Variants in MFSD8 observed in about 807,000 individuals in gnomAD.
MFSD8 encodes major facilitator superfamily domain-containing protein 8.
A neutral mutation model predicts 66.4 loss-of-function variants in MFSD8; 55 were observed. The observed-to-expected ratio is 0.83, with a 90% CI of 0.67 to 1.04. The LOEUF (loss-of-function observed/expected upper bound fraction) is 1.04, where lower values mean the gene tolerates loss of function less well. Ranked by LOEUF, MFSD8 falls within the 50% of genes least tolerant of loss-of-function variation. MFSD8 has a pLI of 0.00. For synonymous variants in MFSD8, 202 were observed against 212.8 expected (o/e 0.95, Z 0.44); for missense variants, 550 against 627.6 (o/e 0.88, Z 1.32).
intron 9 of MFSD8, among the ~76,000 whole-genome samples, chr4:127,923,982 A>T (rs1006073474): frequency 1.3e-5 from 2 of 152,130 alleles, no homozygotes; most frequent in African/African-American, 4.8e-5. Context: ...TGGTATCAGG[A>T]TGATTCTGGC....
chr4:127,939,284 C>G (rs922123126), intron 6 of MFSD8: 1 of 155,540 alleles, frequency 6.4e-6, no homozygotes. Context: ...TACTTCCATG[C>G]CTTTCCCCTA....
At chr4:127,925,543 C>T (rs1395516684) in intron 9 of MFSD8, among the ~76,000 whole-genome samples, 2 of 152,132 alleles carry the variant, frequency 1.3e-5, no homozygotes, top group Non-Finnish European at 1.5e-5. Context: ...AATGAGATAC[C>T]ATCTCACACC....
chr4:127,942,283 T>G, intron 4 of MFSD8, 125 bp from the exon 5 acceptor site: 1 of 723,750 alleles, frequency 1.4e-6, no homozygotes, highest in East Asian at 2.6e-5. Flanking sequence ...GCTTCCTCTT[T>G]ATGATCACAC....
intron 4 of MFSD8, among the ~76,000 whole-genome samples, chr4:127,942,619 G>A (rs1740379831): frequency 6.6e-6 from 1 of 150,744 alleles, no homozygotes; most frequent in Non-Finnish European, 1.5e-5. Flanking sequence ...TGCTGAGGTT[G>A]CAATGAGCCA....
At chr4:127,960,588 G>A (rs1376600668) in intron 1 of MFSD8, among the ~76,000 whole-genome samples, 1 of 152,140 alleles carries the variant, frequency 6.6e-6, no homozygotes, top group South Asian at 2.1e-4. Flanking sequence ...TGACAGAACA[G>A]TGTAGTGGTA....
At chr4:127,932,334 G>C (rs1447620126) in intron 8 of MFSD8, 1 of 152,188 alleles carries the variant, frequency 6.6e-6, no homozygotes, top group Admixed American at 6.5e-5. Flanking sequence ...CATAATCTAT[G>C]TAAGTTTAAT....
Position 127,920,360 on chromosome 4 carries a change from CTCATTAGT to C in MFSD8, c.*262_*269del. Reference sequence around the variant, plus strand: ...ACATTTATTCATCATTGTCCATTCACTCATTAGTTCATGCAACCACAAAAAGGTATTAT... The same window carrying C: ...ACATTTATTCATCATTGTCCATTCACTCATGCAACCACAAAAAGGTATTAT... On this transcript the variant is annotated 3_prime_UTR_variant, in exon 12 of 12. Transcript: ENST00000641686. 2.2e-6 allele frequency: 1 copy of C among 448,794 alleles called. No individual in the cohort carries two copies. The highest frequency in any genetic ancestry group is 4.1e-6 in the Non-Finnish European group (1 of 242,968). The allele number at this position is 448,794 out of a possible 1,614,324, so 27.8% of individuals were successfully genotyped here.
intron 2 of MFSD8, among the ~76,000 whole-genome samples, chr4:127,954,503 C>T (rs2148961400): frequency 6.6e-6 from 1 of 152,268 alleles, no homozygotes; most frequent in South Asian, 2.1e-4. Flanking sequence ...GCAGTCCCAG[C>T]TACCAGGGAG....
At chr4:127,947,168 T>A (rs1484215776) in intron 3 of MFSD8, among the ~76,000 whole-genome samples, 1 of 151,772 alleles carries the variant, frequency 6.6e-6, no homozygotes, top group East Asian at 1.9e-4. Flanking sequence ...TGAGGCAGGA[T>A]CACCTGAGGT....
At chr4:127,957,692 G>C in intron 1 of MFSD8, 100 bp from the exon 2 acceptor site, 1 of 809,090 alleles carries the variant, frequency 1.2e-6, no homozygotes, top group Non-Finnish European at 2.1e-6. Context: ...TGATGTGATA[G>C]AGGTAGAATT....
At chr4:127,930,896 A>ACAC in intron 8 of MFSD8, 79 bp from the exon 9 acceptor site, 2 of 1,263,400 alleles carry the variant, frequency 1.6e-6, no homozygotes, top group Admixed American at 2.2e-5. Flanking sequence ...AGTTTTAATA[A>ACAC]CGACATCTAC....
chr4:127,945,690 A>G (rs1376382237), intron 3 of MFSD8: 1 of 152,106 alleles, frequency 6.6e-6, no homozygotes, highest in Non-Finnish European at 1.5e-5. Flanking sequence ...AAAATAAGAA[A>G]TAATATGCAA....
At chr4:127,943,046 G>A (rs1366948506) in intron 4 of MFSD8, among the ~76,000 whole-genome samples, 9 of 151,948 alleles carry the variant, frequency 5.9e-5, no homozygotes, top group Non-Finnish European at 1.0e-4. Flanking sequence ...GTGAAACTGC[G>A]TCTCTACTAA....
intron 9 of MFSD8, among the ~76,000 whole-genome samples, chr4:127,922,218 C>G (rs554515912): frequency 6.6e-6 from 1 of 152,154 alleles, no homozygotes; most frequent in Non-Finnish European, 1.5e-5. Flanking sequence ...TCAGTGACTA[C>G]TAGGTCATGA....
intron 6 of MFSD8, chr4:127,939,176 T>A (rs889400929): frequency 4.1e-5 from 7 of 170,612 alleles, no homozygotes; most frequent in African/African-American, 1.2e-4. Context: ...AACATAATTT[T>A]AAAAAATTTT....
At chr4:127,963,324 G>T (rs1349114349) in intron 1 of MFSD8, among the ~76,000 whole-genome samples, 2 of 152,226 alleles carry the variant, frequency 1.3e-5, no homozygotes, top group African/African-American at 4.8e-5. Context: ...AATCTGGAAA[G>T]TGATCAGCTA....
chr4:127,941,134 T>G (rs550911155), intron 5 of MFSD8, among the ~76,000 whole-genome samples: 1 of 152,198 alleles, frequency 6.6e-6, no homozygotes, highest in East Asian at 1.9e-4. Flanking sequence ...TACTTTACAA[T>G]ATAGTATTCA....
At chr4:127,938,929 T>A in intron 6 of MFSD8, 91 bp from the exon 7 acceptor site, 1 of 978,554 alleles carries the variant, frequency 1.0e-6, no homozygotes, top group Non-Finnish European at 1.6e-6. Flanking sequence ...TTTTTTCACA[T>A]TCTAATATAG....
chr4:127,939,996 A>C lies in MFSD8; in HGVS notation c.555T>G (p.Val185=), dbSNP rs562103818. 1 of 1,612,618 alleles carries C rather than the reference A, an allele frequency of 6.2e-7. No homozygotes were observed. Among genetic ancestry groups the C allele is most frequent in the Admixed American group, 1.7e-5 (1 of 59,966 alleles). The change falls in exon 6 of 12, where the codon GTT becomes GTG. Residue 185 remains valine, a splice_region_variant and synonymous_variant. Transcript: ENST00000641686. ...CQALGFILGP[V]FQTCFTFLGE... is the part of the protein sequence containing the mutation. Reference sequence around the variant, plus strand: ...CAAGGAATGTAAAACAAGTCTGAAAAACTTATTAAGATAAAATTTTCACAG... The same window carrying C: ...CAAGGAATGTAAAACAAGTCTGAAACACTTATTAAGATAAAATTTTCACAG...
Sources: gnomAD v4.1 joint callset for allele counts (sites outside exome capture counted in the v4.1 genomes callset) on GRCh38, gnomAD v4.1.1 for gene constraint, MANE v1.5 for transcripts, NCBI Gene and HGNC (gene_info 2026-07-23, HGNC 2026-07-21) for gene names.